Variants in MANEA observed in about 807,000 individuals in gnomAD.
The protein encoded by MANEA is glycoprotein endo-alpha-1,2-mannosidase.
A neutral mutation model predicts 36.8 loss-of-function variants in MANEA; 25 were observed. That is an observed-to-expected ratio of 0.68 (90% confidence interval 0.50 to 0.95). The LOEUF is 0.95. MANEA is among the 40% of genes least tolerant of loss of function. The pLI is 0.00. For synonymous variants in MANEA, 198 were observed against 188.5 expected (o/e 1.05, Z -0.41); for missense variants, 565 against 558.8 (o/e 1.01, Z -0.11).
chr6:95,588,927 G>C lies in MANEA; in HGVS notation c.544+1944G>C, dbSNP rs138136267. On this transcript the variant is annotated intron_variant, in intron 2 of 4. Coordinates refer to ENST00000358812, the MANE Select transcript of MANEA (RefSeq NM_024641.4). Reference sequence around the variant, plus strand: ...TTTTATGCCTATTCATATTTATAAAGACCTTTTTCCCTGTATAATATTTTA... The same window carrying C: ...TTTTATGCCTATTCATATTTATAAACACCTTTTTCCCTGTATAATATTTTA... Among the ~76,000 whole-genome samples the C allele has an allele frequency of 2.5e-3, 381 of 151,848 alleles. 2 individuals carry two copies. Among genetic ancestry groups the C allele is most frequent in the African/African-American group, 8.9e-3 (368 of 41,496 alleles).
chr6:95,588,661 A>G (rs1238532161), intron 2 of MANEA, among the ~76,000 whole-genome samples: 1 of 151,982 alleles, frequency 6.6e-6, no homozygotes, highest in Non-Finnish European at 1.5e-5. Flanking sequence ...TAAAAAAACT[A>G]TGCTAGATTG....
intron 1 of MANEA, among the ~76,000 whole-genome samples, chr6:95,583,197 A>C (rs1769214119): frequency 6.6e-6 from 1 of 152,130 alleles, no homozygotes; most frequent in South Asian, 2.1e-4. Flanking sequence ...TTTATTAGAG[A>C]GGGAGGGAAC....
intron 2 of MANEA, among the ~76,000 whole-genome samples, chr6:95,593,064 G>A (rs958199699): frequency 2.0e-5 from 3 of 152,194 alleles, no homozygotes; most frequent in Non-Finnish European, 2.9e-5. Context: ...GCATCCTAGA[G>A]TTTGCTAAGC....
At chr6:95,593,852 C>A (rs924756784) in intron 2 of MANEA, among the ~76,000 whole-genome samples, 2 of 151,998 alleles carry the variant, frequency 1.3e-5, no homozygotes, top group African/African-American at 4.8e-5. Context: ...TCAAGACCAT[C>A]CTGGCCAACA....
intron 1 of MANEA, among the ~76,000 whole-genome samples, chr6:95,585,774 A>G (rs954455369): frequency 2.0e-5 from 3 of 152,182 alleles, no homozygotes; most frequent in African/African-American, 7.2e-5. Flanking sequence ...AAAATTTTTT[A>G]GAAAATCTGT....
chr6:95,595,674 C>T (rs1230240987), intron 2 of MANEA, among the ~76,000 whole-genome samples: 1 of 151,990 alleles, frequency 6.6e-6, no homozygotes. Flanking sequence ...GAAATTTGTG[C>T]AATCTTTCTA....
At chr6:95,603,396 C>T (rs1397694364) in intron 3 of MANEA, among the ~76,000 whole-genome samples, 1 of 151,996 alleles carries the variant, frequency 6.6e-6, no homozygotes, top group African/African-American at 2.4e-5. Context: ...AAAGCAAATA[C>T]CAAAGTTATT....
chr6:95,589,971 G>A (rs1165620540), intron 2 of MANEA: 3 of 152,102 alleles, frequency 2.0e-5, no homozygotes, highest in Non-Finnish European at 4.4e-5. Flanking sequence ...ATGCACGAGA[G>A]ACTCGACCCC....
chr6:95,587,998 A>G (rs768069215), intron 2 of MANEA, among the ~76,000 whole-genome samples: 1 of 151,576 alleles, frequency 6.6e-6, no homozygotes, highest in Non-Finnish European at 1.5e-5. Flanking sequence ...AACTTAACTG[A>G]TTCTTATTGT....
chr6:95,594,544 A>G (rs1451483913), intron 2 of MANEA, among the ~76,000 whole-genome samples: 3 of 152,148 alleles, frequency 2.0e-5, no homozygotes. Flanking sequence ...AAGTTGTTGC[A>G]TGTTGCTGTT....
intron 3 of MANEA, among the ~76,000 whole-genome samples, chr6:95,601,591 C>T (rs998122852): frequency 2.6e-5 from 4 of 151,982 alleles, no homozygotes; most frequent in Non-Finnish European, 5.9e-5. Flanking sequence ...ATTTTATGTT[C>T]GAAAAGCAAA....
At chr6:95,582,246 C>G (rs1011712746) in intron 1 of MANEA, among the ~76,000 whole-genome samples, 3 of 139,892 alleles carry the variant, frequency 2.1e-5, no homozygotes, top group Non-Finnish European at 4.5e-5. Flanking sequence ...TGCAGTGGCG[C>G]GATCTCTGCT....
intron 3 of MANEA, among the ~76,000 whole-genome samples, chr6:95,600,935 A>G (rs922366986): frequency 2.0e-5 from 3 of 152,222 alleles, no homozygotes; most frequent in African/African-American, 7.2e-5. Context: ...GTTAACTTCA[A>G]CCAAGAGTTA....
At chr6:95,596,154 C>T (rs1215499630) in intron 2 of MANEA, among the ~76,000 whole-genome samples, 5 of 151,874 alleles carry the variant, frequency 3.3e-5, no homozygotes, top group Non-Finnish European at 7.4e-5. Context: ...TTATAGGCAG[C>T]AAAAAGCTTA....
intron 1 of MANEA, among the ~76,000 whole-genome samples, chr6:95,583,133 A>G (rs1418445898): frequency 6.6e-6 from 1 of 152,198 alleles, no homozygotes; most frequent in Non-Finnish European, 1.5e-5. Flanking sequence ...TATTAAAACA[A>G]AATCTCCAGA....
rs112713206 is a variant in MANEA at position 95,609,169 on chromosome 6, G to T, written c.*2764G>T. ...AAAACTATACGTTTGAATTCAATAT[G>T]GTATAACTTAAAGTGGTATAATACA... On this transcript the variant is annotated 3_prime_UTR_variant, in exon 5 of 5. Transcript: ENST00000358812. The T allele has an allele frequency of 2.4e-4, 37 of 151,626 alleles. 1 individual carries two copies. The highest frequency in any genetic ancestry group is 8.7e-4 in the African/African-American group (36 of 41,454). 9.4% of individuals were successfully genotyped at this position (151,626 alleles called of 1,614,324 possible). A position where few individuals can be genotyped will look rare whatever the true frequency, so the allele number is the denominator to read the frequency against.
intron 3 of MANEA, among the ~76,000 whole-genome samples, chr6:95,598,055 G>A (rs1582227630): frequency 7.1e-6 from 1 of 141,578 alleles, no homozygotes. Flanking sequence ...AATTTTTTTT[G>A]GTGCAGAAAG....
rs147517191 is a variant in MANEA, at chr6:95,598,487, A to G, written c.654+1641A>G. ...TGAACTGGAGACTCTGTACTTCTAT[A>G]TATGGGCCTCCAGCTTCACTAGAGT... On this transcript the variant is annotated intron_variant, in intron 3 of 4. Transcript: ENST00000358812. 5.0e-4 allele frequency among the ~76,000 whole-genome samples: 76 copies of G among 152,268 alleles called. No homozygotes were observed. The East Asian group carries it at 0.014, about 29-fold the overall frequency.
intron 2 of MANEA, among the ~76,000 whole-genome samples, chr6:95,591,345 C>A (rs758441145): frequency 5.9e-5 from 9 of 152,034 alleles, no homozygotes; most frequent in Admixed American, 1.3e-4. Flanking sequence ...TCTCAATGGG[C>A]AGGTTTTAGG....
Sources: allele counts gnomAD v4.1 joint callset (sites outside exome capture counted in the v4.1 genomes callset), GRCh38; gene constraint gnomAD v4.1.1; transcripts MANE v1.5; gene names NCBI Gene and HGNC (gene_info 2026-07-23, HGNC 2026-07-21).